Variants in KCNH7 observed in about 807,000 individuals in gnomAD.
The protein encoded by KCNH7 is potassium voltage-gated channel subfamily H member 7, also known as voltage-gated inwardly rectifying potassium channel KCNH7.
In KCNH7, 49 loss-of-function variants were observed where a neutral mutation model predicts 120.8. The observed-to-expected ratio is 0.41, with a 90% confidence interval of 0.32 to 0.51. The LOEUF (loss-of-function observed/expected upper bound fraction) is 0.51, where lower values mean the gene tolerates loss of function less well. Among genes scored for constraint, KCNH7 ranks in the 20% least tolerant of loss-of-function variants. The pLI is 0.38. For synonymous variants in KCNH7, 547 were observed against 516.1 expected (o/e 1.06, Z -0.81); for missense variants, 1,097 against 1,446.6 (o/e 0.76, Z 3.92).
At chr2:162,467,645 A>G (rs1204833411) in intron 6 of KCNH7, among the ~76,000 whole-genome samples, 1 of 152,244 alleles carries the variant, frequency 6.6e-6, no homozygotes, top group African/African-American at 2.4e-5. Flanking sequence ...TAAATTAACT[A>G]GGCTCAGACA....
At chr2:162,829,386 C>T (rs942616318) in intron 2 of KCNH7, among the ~76,000 whole-genome samples, 2 of 152,044 alleles carry the variant, frequency 1.3e-5, no homozygotes, top group African/African-American at 4.8e-5. Flanking sequence ...TAAGAATTTT[C>T]AAGAAAACAT....
At chr2:162,420,765 T>C (rs1021434336) in intron 9 of KCNH7, among the ~76,000 whole-genome samples, 1 of 152,220 alleles carries the variant, frequency 6.6e-6, no homozygotes, top group Admixed American at 6.5e-5. Flanking sequence ...TGAGAAATTA[T>C]ATTTAAGGTT....
At chr2:162,743,487 A>G (rs1413386678) in intron 2 of KCNH7, among the ~76,000 whole-genome samples, 3 of 152,162 alleles carry the variant, frequency 2.0e-5, no homozygotes, top group Admixed American at 1.3e-4. Flanking sequence ...AGAAAAAATG[A>G]AAAAATTACA....
chr2:162,518,248 C>A (rs1240535859), intron 3 of KCNH7, 90 bp from the exon 4 acceptor site: 1 of 948,228 alleles, frequency 1.1e-6, no homozygotes, highest in African/African-American at 1.7e-5. Flanking sequence ...ATTTAAACAC[C>A]ATGTAAAAAT....
chr2:162,722,732 TG>T (rs1297773502), intron 2 of KCNH7, among the ~76,000 whole-genome samples: 1 of 151,760 alleles, frequency 6.6e-6, no homozygotes, highest in Non-Finnish European at 1.5e-5. Flanking sequence ...TCACATAATA[TG>T]TGTGTATATT....
chr2:162,559,719 A>T (rs538184615), intron 2 of KCNH7, among the ~76,000 whole-genome samples: 9 of 152,378 alleles, frequency 5.9e-5, no homozygotes, highest in Non-Finnish European at 8.8e-5. Context: ...GTGAAATGAT[A>T]TCTCACATTG....
At chr2:162,490,105 G>T (rs1229547187) in intron 6 of KCNH7, among the ~76,000 whole-genome samples, 1 of 152,220 alleles carries the variant, frequency 6.6e-6, no homozygotes, top group Non-Finnish European at 1.5e-5. Context: ...CAGACAGTAA[G>T]GGGAGGGTCC....
chr2:162,538,259 T>C (rs1692179143), intron 2 of KCNH7, among the ~76,000 whole-genome samples: 1 of 152,036 alleles, frequency 6.6e-6, no homozygotes, highest in Non-Finnish European at 1.5e-5. Context: ...TCAGCTATCG[T>C]TAGCATTAGT....
intron 2 of KCNH7, among the ~76,000 whole-genome samples, chr2:162,670,558 G>A (rs1415148211): frequency 6.7e-6 from 1 of 149,766 alleles, no homozygotes; most frequent in Non-Finnish European, 1.5e-5. Flanking sequence ...GAAAATAATA[G>A]GATATAAATT....
At chr2:162,550,312 A>G (rs1402606217) in intron 2 of KCNH7, among the ~76,000 whole-genome samples, 2 of 152,140 alleles carry the variant, frequency 1.3e-5, no homozygotes, top group African/African-American at 4.8e-5. Flanking sequence ...TTCACTGTCT[A>G]TCCTTCTCTT....
intron 2 of KCNH7, among the ~76,000 whole-genome samples, chr2:162,705,975 A>C (rs1053710318): frequency 6.6e-5 from 10 of 152,144 alleles, no homozygotes; most frequent in African/African-American, 2.2e-4. Context: ...AATGTACTTG[A>C]TTTAAAAGTC....
chr2:162,579,371 G>A (rs1422993311), intron 2 of KCNH7, among the ~76,000 whole-genome samples: 2 of 152,030 alleles, frequency 1.3e-5, no homozygotes. Flanking sequence ...TCCTGTAGAG[G>A]GAGATGCAGC....
intron 2 of KCNH7, among the ~76,000 whole-genome samples, chr2:162,575,792 A>C (rs1443578704): frequency 1.3e-5 from 2 of 152,120 alleles, no homozygotes; most frequent in Non-Finnish European, 2.9e-5. Flanking sequence ...CTTGGAACTA[A>C]GGGGATTATG....
chr2:162,611,171 G>A (rs1164560247), intron 2 of KCNH7, among the ~76,000 whole-genome samples: 1 of 152,196 alleles, frequency 6.6e-6, no homozygotes, highest in South Asian at 2.1e-4. Context: ...CGTGGGGCCT[G>A]CTGGGTGGCA....
chr2:162,760,057 C>T (rs774013368), intron 2 of KCNH7, among the ~76,000 whole-genome samples: 1 of 152,042 alleles, frequency 6.6e-6, no homozygotes, highest in African/African-American at 2.4e-5. Flanking sequence ...ACCAAGTGTA[C>T]GGTCATGTGG....
chr2:162,753,938 A>G lies in KCNH7; in HGVS notation c.307+82599T>C, dbSNP rs186111961. Among the ~76,000 whole-genome samples the G allele has an allele frequency of 8.9e-4, 135 of 152,070 alleles. 2 individuals are homozygous for G. The highest frequency in any genetic ancestry group is 3.7e-4 in the Non-Finnish European group (25 of 67,972). The stretch of plus-strand genomic sequence containing the variant: ...TGGATCATTTATATTTTCCCATTTT[A>G]AGCTTGATTAAATATTATAATAAAT... On this transcript the variant is annotated intron_variant, in intron 2 of 15. Transcript: ENST00000332142.
chr2:162,380,886 C>T (rs1686395791), intron 13 of KCNH7, among the ~76,000 whole-genome samples: 1 of 152,094 alleles, frequency 6.6e-6, no homozygotes, highest in Admixed American at 6.6e-5. Flanking sequence ...TATACAGATT[C>T]ATTTTTCTGA....
At chr2:162,729,030 T>A (rs767727633) in intron 2 of KCNH7, among the ~76,000 whole-genome samples, 1 of 152,106 alleles carries the variant, frequency 6.6e-6, no homozygotes, top group Non-Finnish European at 1.5e-5. Context: ...TATGTAACTG[T>A]TACAGCGCCA....
At chr2:162,733,581 G>C (rs962378909) in intron 2 of KCNH7, among the ~76,000 whole-genome samples, 2 of 152,200 alleles carry the variant, frequency 1.3e-5, no homozygotes, top group Non-Finnish European at 2.9e-5. Flanking sequence ...GACTCATGAC[G>C]TGCATGTAGC....
Sources: allele counts gnomAD v4.1 joint callset (sites outside exome capture counted in the v4.1 genomes callset), GRCh38; gene constraint gnomAD v4.1.1; transcripts MANE v1.5; gene names NCBI Gene and HGNC (gene_info 2026-07-23, HGNC 2026-07-21).